BNC2: variants seen among roughly 807,000 people sequenced by gnomAD.
The protein encoded by BNC2 is basonuclin zinc finger protein 2.
A neutral mutation model predicts 76.3 loss-of-function variants in BNC2; 20 were observed. The ratio of observed to expected loss-of-function variants is 0.26; its 90% CI spans 0.18 to 0.38. BNC2 has a LOEUF of 0.38. Ranked by LOEUF, BNC2 falls within the 10% of genes least tolerant of loss-of-function variation. The pLI, the probability that BNC2 is intolerant of heterozygous loss-of-function variation, is 1.00. For synonymous variants in BNC2, 582 were observed against 514.8 expected (o/e 1.13, Z -1.77); for missense variants, 1,382 against 1,399.8 (o/e 0.99, Z 0.20).
chr9:16,770,177 G>T (rs892458009), intron 1 of BNC2, among the ~76,000 whole-genome samples: 1 of 152,138 alleles, frequency 6.6e-6, no homozygotes, highest in Admixed American at 6.5e-5. Context: ...CCAAATCTCA[G>T]AATGCGAGGC....
intron 3 of BNC2, among the ~76,000 whole-genome samples, chr9:16,605,072 G>A (rs930899043): frequency 2.0e-5 from 3 of 151,948 alleles, no homozygotes; most frequent in East Asian, 1.9e-4. Context: ...CCTCATACAC[G>A]CCAAAGAATA....
chr9:16,533,388 G>C (rs910947817), intron 5 of BNC2, among the ~76,000 whole-genome samples: 1 of 152,158 alleles, frequency 6.6e-6, no homozygotes, highest in Admixed American at 6.5e-5. Flanking sequence ...ACAAATCTGT[G>C]TGTTGTTGAA....
chr9:16,600,010 A>G (rs1820201953), intron 3 of BNC2, among the ~76,000 whole-genome samples: 1 of 152,204 alleles, frequency 6.6e-6, no homozygotes, highest in Admixed American at 6.5e-5. Flanking sequence ...GTTTTACTGT[A>G]TCACTCACTC....
intron 5 of BNC2, among the ~76,000 whole-genome samples, chr9:16,507,697 G>A (rs1822661380): frequency 6.6e-6 from 1 of 152,068 alleles, no homozygotes; most frequent in African/African-American, 2.4e-5. Flanking sequence ...AAAGTGCTGG[G>A]ATTACAGGTG....
chr9:16,643,878 C>G (rs1821555430), intron 3 of BNC2, among the ~76,000 whole-genome samples: 1 of 152,046 alleles, frequency 6.6e-6, no homozygotes, highest in Admixed American at 6.6e-5. Flanking sequence ...CACAATTTTC[C>G]TCAAGAACAA....
At chr9:16,726,135 A>G (rs557671174) in intron 3 of BNC2, among the ~76,000 whole-genome samples, 4 of 152,224 alleles carry the variant, frequency 2.6e-5, no homozygotes, top group African/African-American at 7.2e-5. Flanking sequence ...AGAGCCACCC[A>G]GGCAGGGATG....
At position 16,415,382 on chromosome 9, in the gene BNC2, G is replaced by A. The variant is rs917070923; in HGVS notation, c.*3607C>T. On this transcript the variant is annotated 3_prime_UTR_variant, in exon 7 of 7. Coordinates refer to ENST00000380672, the MANE Select transcript of BNC2 (RefSeq NM_017637.6). ...AGTACAAGTTTCAACATCAGCTAGA[G>A]AACATGCACAGTCATACCGCCTAAT... is the stretch of plus-strand genomic sequence containing the variant. The A allele has an allele frequency of 2.6e-5, 4 of 152,582 alleles. No individual in the cohort carries two copies. The highest frequency in any genetic ancestry group is 9.7e-5 in the African/African-American group (4 of 41,418). 9.5% of individuals were successfully genotyped at this position (152,582 alleles called of 1,614,324 possible).
chr9:16,678,867 G>A (rs1168910306), intron 3 of BNC2, among the ~76,000 whole-genome samples: 1 of 152,098 alleles, frequency 6.6e-6, no homozygotes, highest in East Asian at 1.9e-4. Context: ...CTTCGGTAGT[G>A]CCTGAAAATT....
chr9:16,482,160 AG>A (rs1822070625), intron 5 of BNC2, among the ~76,000 whole-genome samples: 1 of 152,218 alleles, frequency 6.6e-6, no homozygotes, highest in African/African-American at 2.4e-5. Flanking sequence ...CTGATACCAC[AG>A]GGGAAATTAT....
In BNC2 at chr9:16,859,892, G is replaced by A. The variant is rs879841102; in HGVS notation, c.3+10754C>T. On this transcript the variant is annotated intron_variant, in intron 1 of 6. Coordinates refer to ENST00000380672, the MANE Select transcript of BNC2 (RefSeq NM_017637.6). ...TCCCAGCACTTTGGGAGGCCAAGGC[G>A]GGCAGAATGCTGAGGTCAAGAGTTG... Among the ~76,000 whole-genome samples, 13 of 152,268 alleles carry A rather than the reference G, an allele frequency of 8.5e-5. No individual in the cohort carries two copies. The East Asian group carries it at 9.7e-4, about 11-fold the overall frequency.
At chr9:16,829,603 G>A (rs958490620) in intron 1 of BNC2, among the ~76,000 whole-genome samples, 10 of 152,144 alleles carry the variant, frequency 6.6e-5, no homozygotes, top group Non-Finnish European at 5.9e-5. Flanking sequence ...TCTCAGGGGT[G>A]TTTGCAAAGA....
chr9:16,554,698 A>C (rs1818769251), intron 4 of BNC2, among the ~76,000 whole-genome samples: 1 of 152,094 alleles, frequency 6.6e-6, no homozygotes, highest in Non-Finnish European at 1.5e-5. Flanking sequence ...CAGCCTTCTG[A>C]TGAGTGGCTG....
chr9:16,741,441 G>A (rs557347275), intron 1 of BNC2, among the ~76,000 whole-genome samples: 14 of 147,806 alleles, frequency 9.5e-5, no homozygotes, highest in South Asian at 4.3e-4. Context: ...CAACAACAGC[G>A]AAACTCCATT....
chr9:16,829,660 G>A (rs186298928), intron 1 of BNC2, among the ~76,000 whole-genome samples: 1 of 152,126 alleles, frequency 6.6e-6, no homozygotes, highest in Admixed American at 6.5e-5. Context: ...AAACAAAACG[G>A]CAATTCTACA....
rs149159870 is a variant in BNC2 at position 16,637,246 on chromosome 9, T to C, written c.331-54161A>G. On this transcript the variant is annotated intron_variant, in intron 3 of 6. Transcript: ENST00000380672. ...GAAATCACATAAAGAAATAAGACTC[T>C]TAAAGTGCCTAACTGACAAGCAAAA... is the stretch of plus-strand genomic sequence containing the variant. Among the ~76,000 whole-genome samples the C allele has an allele frequency of 8.5e-3, 1,289 of 152,272 alleles. 32 individuals are homozygous for C. Among genetic ancestry groups the C allele is most frequent in the South Asian group, 0.076 (365 of 4,820 alleles).
At chr9:16,419,675 G>T in intron 6 of BNC2, 26 bp from the exon 7 acceptor site, 5 of 478,808 alleles carry the variant, frequency 1.0e-5, no homozygotes, top group Admixed American at 2.5e-5. Flanking sequence ...GGAAGGGGGG[G>T]TACGTGGATG....
At chr9:16,767,573 C>G (rs1206976485) in intron 1 of BNC2, among the ~76,000 whole-genome samples, 2 of 151,888 alleles carry the variant, frequency 1.3e-5, no homozygotes, top group Non-Finnish European at 1.5e-5. Flanking sequence ...AGATTAGAAG[C>G]CAAATGAGGC....
intron 3 of BNC2, among the ~76,000 whole-genome samples, chr9:16,688,366 CA>C (rs1823040473): frequency 6.6e-6 from 1 of 152,084 alleles, no homozygotes. Flanking sequence ...CACAAGCAAT[CA>C]AAAAATGATT....
At chr9:16,807,551 G>T (rs189175938) in intron 1 of BNC2, among the ~76,000 whole-genome samples, 5 of 152,266 alleles carry the variant, frequency 3.3e-5, no homozygotes, top group Admixed American at 3.3e-4. Flanking sequence ...TGAGAAGGAG[G>T]TGGAGGGAGG....
Sources: gnomAD v4.1 joint callset for allele counts (sites outside exome capture counted in the v4.1 genomes callset) on GRCh38, gnomAD v4.1.1 for gene constraint, MANE v1.5 for transcripts, NCBI Gene and HGNC (gene_info 2026-07-23, HGNC 2026-07-21) for gene names.